KCNAB1: variants seen among roughly 807,000 people sequenced by gnomAD.
KCNAB1 encodes the protein voltage-gated potassium channel subunit beta-1.
KCNAB1 carries 35 observed loss-of-function variants against 64.6 expected under a neutral mutation model. The ratio of observed to expected loss-of-function variants is 0.54; its 90% CI spans 0.41 to 0.72. The LOEUF (loss-of-function observed/expected upper bound fraction) is 0.72, where lower values mean the gene tolerates loss of function less well. Ranked by LOEUF, KCNAB1 falls within the 30% of genes least tolerant of loss-of-function variation. KCNAB1 has a pLI of 0.00. For missense variants in KCNAB1, 401 were observed against 512.9 expected (o/e 0.78, Z 2.11); for synonymous variants, 177 against 183.8 (o/e 0.96, Z 0.30).
intron 7 of KCNAB1, among the ~76,000 whole-genome samples, chr3:156,467,588 T>A (rs775184511): frequency 6.6e-6 from 1 of 151,980 alleles, no homozygotes; most frequent in Non-Finnish European, 1.5e-5. Flanking sequence ...TGTACTGACT[T>A]ATCTGTCTAT....
intron 1 of KCNAB1, among the ~76,000 whole-genome samples, chr3:156,224,940 CA>C (rs1169449964): frequency 2.0e-5 from 3 of 151,622 alleles, no homozygotes; most frequent in Non-Finnish European, 4.4e-5. Flanking sequence ...CAATTGTCAA[CA>C]AAAAAAAGTT....
intron 2 of KCNAB1, among the ~76,000 whole-genome samples, chr3:156,435,852 A>G (rs931731084): frequency 2.0e-5 from 3 of 151,978 alleles, no homozygotes; most frequent in African/African-American, 7.3e-5. Context: ...CAGCATTGCT[A>G]TCTTGTTGTA....
At chr3:156,476,643 A>G (rs1287654585) in intron 8 of KCNAB1, among the ~76,000 whole-genome samples, 3 of 151,932 alleles carry the variant, frequency 2.0e-5, no homozygotes, top group African/African-American at 7.3e-5. Context: ...ATTGATGGGC[A>G]TTTGGGTTGG....
intron 11 of KCNAB1, among the ~76,000 whole-genome samples, chr3:156,516,929 CA>C (rs1717602305): frequency 6.6e-6 from 1 of 152,066 alleles, no homozygotes; most frequent in African/African-American, 2.4e-5. Context: ...TGCTCTGAAG[CA>C]AAAAGATATT....
At chr3:156,192,100 A>G (rs1217115327) in intron 1 of KCNAB1, among the ~76,000 whole-genome samples, 1 of 152,200 alleles carries the variant, frequency 6.6e-6, no homozygotes, top group Non-Finnish European at 1.5e-5. Flanking sequence ...ACTTTATATA[A>G]ATGAAATCAT....
At chr3:156,417,431 C>T (rs901363604) in intron 1 of KCNAB1, among the ~76,000 whole-genome samples, 9 of 152,196 alleles carry the variant, frequency 5.9e-5, no homozygotes, top group Non-Finnish European at 8.8e-5. Flanking sequence ...GTCCCTGTTA[C>T]GTCAACCTTT....
chr3:156,176,830 C>T, intron 1 of KCNAB1: 5 of 973,304 alleles, frequency 5.1e-6, no homozygotes, highest in Non-Finnish European at 8.4e-6. Flanking sequence ...GATCCCGCCA[C>T]TCCCAACAGC....
At chr3:156,251,357 C>T (rs1162558645) in intron 1 of KCNAB1, among the ~76,000 whole-genome samples, 1 of 152,064 alleles carries the variant, frequency 6.6e-6, no homozygotes, top group African/African-American at 2.4e-5. Flanking sequence ...AGATTATTAA[C>T]AGAAATATAT....
At chr3:156,148,174 A>G (rs1259954503) in intron 1 of KCNAB1, among the ~76,000 whole-genome samples, 2 of 152,114 alleles carry the variant, frequency 1.3e-5, no homozygotes, top group South Asian at 2.1e-4. Context: ...ATATTCTTAC[A>G]CATCCCACTT....
intron 1 of KCNAB1, among the ~76,000 whole-genome samples, chr3:156,257,275 C>A (rs572193297): frequency 6.6e-6 from 1 of 152,130 alleles, no homozygotes; most frequent in African/African-American, 2.4e-5. Context: ...TTTAGTGAGA[C>A]AAGAATTGGG....
intron 1 of KCNAB1, among the ~76,000 whole-genome samples, chr3:156,240,322 A>G (rs1375920598): frequency 1.3e-5 from 2 of 150,660 alleles, no homozygotes; most frequent in Non-Finnish European, 3.0e-5. Context: ...CTTTCTTTCT[A>G]TTTTTTCCTT....
chr3:156,315,297 G>A (rs867226576), intron 1 of KCNAB1, among the ~76,000 whole-genome samples: 37 of 141,552 alleles, frequency 2.6e-4, no homozygotes, highest in African/African-American at 1.2e-3. Flanking sequence ...GCAGGGGTTG[G>A]GAGTACTGGG....
intron 8 of KCNAB1, among the ~76,000 whole-genome samples, chr3:156,486,040 A>G (rs1715188089): frequency 6.6e-6 from 1 of 152,046 alleles, no homozygotes; most frequent in South Asian, 2.1e-4. Context: ...GATTCAAGTG[A>G]TGTCTGCCAG....
At position 156,500,278 on chromosome 3, in the gene KCNAB1, G is replaced by C. The variant is rs1429573956; in HGVS notation, c.659-14086G>C. 2.6e-5 allele frequency among the ~76,000 whole-genome samples: 4 copies of C among 152,226 alleles called. No homozygotes were observed. In the East Asian group the frequency reaches 7.7e-4, roughly 29 times the overall value. ...GGGAAACCAGCCTGGGGATAGCAGA[G>C]TGGAGGGTTAGACAAAAGATTGGTC... On this transcript the variant is annotated intron_variant, in intron 8 of 13. Transcript: ENST00000490337.
At chr3:156,427,746 A>G (rs1188611621) in intron 2 of KCNAB1, among the ~76,000 whole-genome samples, 1 of 152,128 alleles carries the variant, frequency 6.6e-6, no homozygotes, top group Admixed American at 6.5e-5. Context: ...GTCCTAAAAG[A>G]GCGTTGGAGA....
intron 1 of KCNAB1, among the ~76,000 whole-genome samples, chr3:156,193,088 C>T (rs1713665117): frequency 6.6e-6 from 1 of 151,648 alleles, no homozygotes; most frequent in Non-Finnish European, 1.5e-5. Flanking sequence ...TCCCTTTTAC[C>T]TCTTTTTCTG....
At chr3:156,157,635 G>A (rs1350631913) in intron 1 of KCNAB1, among the ~76,000 whole-genome samples, 1 of 152,096 alleles carries the variant, frequency 6.6e-6, no homozygotes, top group Middle Eastern at 3.2e-3. Context: ...TTTGCTTGAG[G>A]TGTGTATGCG....
intron 1 of KCNAB1, chr3:156,273,554 C>G (rs1719160611): frequency 2.2e-6 from 1 of 456,534 alleles, no homozygotes; most frequent in Non-Finnish European, 4.4e-6. Flanking sequence ...CCTAAGCACA[C>G]AGATGCTCTT....
At chr3:156,142,743 G>A (rs1375791704) in intron 1 of KCNAB1, among the ~76,000 whole-genome samples, 3 of 152,152 alleles carry the variant, frequency 2.0e-5, no homozygotes, top group African/African-American at 4.8e-5. Flanking sequence ...ATTTAGAGAA[G>A]TCTCATTACA....
Sources: allele counts gnomAD v4.1 joint callset (sites outside exome capture counted in the v4.1 genomes callset), GRCh38; gene constraint gnomAD v4.1.1; transcripts MANE v1.5; gene names NCBI Gene and HGNC (gene_info 2026-07-23, HGNC 2026-07-21).